The following AGT variants were observed in gnomAD, a reference collection of about 807,000 sequenced individuals.
The protein encoded by AGT is angiotensinogen.
In AGT, 26 loss-of-function variants were observed where a neutral mutation model predicts 28.1. The ratio of observed to expected loss-of-function variants is 0.92; its 90% CI spans 0.68 to 1.28. The LOEUF is 1.28. AGT is among the 50% of genes most tolerant of loss of function. The pLI is 0.00. For synonymous variants in AGT, 259 were observed against 259.6 expected (o/e 1.00, Z 0.02); for missense variants, 596 against 592.3 (o/e 1.01, Z -0.06).
chr1:230,730,021 C>T (rs767369909), intron 1 of AGT, among the ~76,000 whole-genome samples: 1 of 151,970 alleles, frequency 6.6e-6, no homozygotes, highest in African/African-American at 2.4e-5. Flanking sequence ...ATTAGCCAGG[C>T]GTGGTGGTGC....
intron 1 of AGT, among the ~76,000 whole-genome samples, chr1:230,731,657 G>A (rs1223306863): frequency 6.6e-6 from 1 of 152,144 alleles, no homozygotes; most frequent in Non-Finnish European, 1.5e-5. Flanking sequence ...CTTGAGGTTA[G>A]GAGCTCAAGA....
In AGT at chr1:230,710,454, C is replaced by T. The variant is rs559327874; in HGVS notation, c.370G>A (p.Val124Ile). ...CCAAAGACAGCCGTTGGGGAGAGGACGGTGGCCCCATGGACCACGCCCCAT... is the reference window on the plus strand; with the variant it reads ...CCAAAGACAGCCGTTGGGGAGAGGATGGTGGCCCCATGGACCACGCCCCAT... ...ELWGVVHGAT[V>I]LSPTAVFGTL... is the part of the protein sequence containing the mutation. Residue 124 changes from valine to isoleucine, a missense_variant, in exon 2 of 5, where the codon GTC becomes ATC. Physicochemically the swap from Val to Ile is conservative, Grantham distance 29. Coordinates refer to ENST00000366667, the MANE Select transcript of AGT (RefSeq NM_001384479.1). 7.5e-5 allele frequency: 121 copies of T among 1,614,220 alleles called. 2 individuals carry two copies. In the South Asian group the frequency reaches 9.9e-4, roughly 13 times the overall value.
At position 230,706,034 on chromosome 1, in the gene AGT, G is replaced by A. The variant is rs11568041; in HGVS notation, c.996C>T (p.Cys332=). ...CATAGTGAGGCTGGATCAGCAGCAG[G>A]CAGGCGCTCTCAGTGAAGGGCACTT... ...VTQVPFTESA[C]LLLIQPHYAS... is the part of the protein sequence containing the mutation. The change falls in exon 3 of 5, where the codon TGC becomes TGT. Residue 332 remains cysteine, a synonymous_variant. Coordinates refer to ENST00000366667, the MANE Select transcript of AGT (RefSeq NM_001384479.1). 7.0e-4 allele frequency: 1,132 copies of A among 1,614,144 alleles called. 8 individuals carry two copies. In the African/African-American group the frequency reaches 0.014, roughly 20 times the overall value.
intron 1 of AGT, among the ~76,000 whole-genome samples, chr1:230,721,013 C>T (rs950424042): frequency 6.6e-6 from 1 of 152,250 alleles, no homozygotes; most frequent in African/African-American, 2.4e-5. Flanking sequence ...GGTGAGGCAC[C>T]TCCAGGGACA....
Position 230,713,186 on chromosome 1 carries a change from C to T in AGT, c.-31+900G>A, listed in dbSNP as rs556231200. ...CACTTATTCTGTCCAGCGTCTTTGTCTGTTTGCTCTGATGTGAATGTGAGC... is the reference window on the plus strand; with the variant it reads ...CACTTATTCTGTCCAGCGTCTTTGTTTGTTTGCTCTGATGTGAATGTGAGC... On this transcript the variant is annotated intron_variant, in intron 1 of 4. Coordinates refer to ENST00000366667, the MANE Select transcript of AGT (RefSeq NM_001384479.1). Among the ~76,000 whole-genome samples, 5 of 152,002 alleles carry T rather than the reference C, an allele frequency of 3.3e-5. No individual in the cohort carries two copies. In the South Asian group the frequency reaches 1.0e-3, roughly 31 times the overall value.
In AGT at chr1:230,710,141, C is replaced by G; in HGVS notation, c.683G>C (p.Arg228Pro). 1 of 1,614,162 alleles carries G rather than the reference C, an allele frequency of 6.2e-7. No individual in the cohort carries two copies. Among genetic ancestry groups the G allele is most frequent in the South Asian group, 1.1e-5 (1 of 91,090 alleles). The change falls in exon 2 of 5, where the codon CGC (arginine) becomes CCC (proline). Residue 228 changes from arginine to proline, a missense_variant. Physicochemically the swap from Arg to Pro is moderately radical, Grantham distance 103 (BLOSUM62 -2). Coordinates refer to ENST00000366667, the MANE Select transcript of AGT (RefSeq NM_001384479.1). ...ATCCAGTTCTGTGAAGTCCAGAGAG[C>G]GTGGGAGGACCACAGGGGTATAGAG... ...LALYTPVVLP[R>P]SLDFTELDVA...
chr1:230,728,682 A>G (rs1312927267), intron 1 of AGT, among the ~76,000 whole-genome samples: 1 of 152,156 alleles, frequency 6.6e-6, no homozygotes, highest in African/African-American at 2.4e-5. Flanking sequence ...CTACGGCCTC[A>G]TTTTCATGCT....
chr1:230,726,857 T>C (rs900557554), intron 1 of AGT, among the ~76,000 whole-genome samples: 1 of 152,188 alleles, frequency 6.6e-6, no homozygotes, highest in African/African-American at 2.4e-5. Flanking sequence ...AGATGCTATG[T>C]CTCCCCAACC....
chr1:230,734,068 G>A lies in AGT; in HGVS notation c.-31+11447C>T, dbSNP rs543992741. On this transcript the variant is annotated intron_variant, in intron 1 of 4. Coordinates refer to the AGT transcript ENST00000681269. The stretch of plus-strand genomic sequence containing the variant: ...TTATAGATGACCCTTTAACAAGTGC[G>A]GGTCCCTGGCACATACTGGAGTTTG... Among the ~76,000 whole-genome samples the A allele has an allele frequency of 4.6e-5, 7 of 152,128 alleles. No homozygotes were observed. In the East Asian group the frequency reaches 5.8e-4, roughly 13 times the overall value.
At chr1:230,727,389 G>T (rs1353193243) in intron 1 of AGT, among the ~76,000 whole-genome samples, 1 of 152,124 alleles carries the variant, frequency 6.6e-6, no homozygotes, top group Non-Finnish European at 1.5e-5. Flanking sequence ...ATATCCAACT[G>T]CCCTCACTGC....
At chr1:230,743,561 G>A (rs932075284) in intron 1 of AGT, among the ~76,000 whole-genome samples, 5 of 152,038 alleles carry the variant, frequency 3.3e-5, no homozygotes, top group Admixed American at 3.3e-4. Flanking sequence ...CACCCTCCTC[G>A]CCAGCCCACC....
intron 1 of AGT, among the ~76,000 whole-genome samples, chr1:230,736,119 T>G (rs1021032975): frequency 6.6e-6 from 1 of 152,154 alleles, no homozygotes; most frequent in Non-Finnish European, 1.5e-5. Flanking sequence ...CTAAAATTAT[T>G]TTCTGCTTCC....
At chr1:230,714,740 T>C (rs998152503), upstream of AGT, among the ~76,000 whole-genome samples, 1 of 152,210 alleles carries the variant, frequency 6.6e-6, no homozygotes, top group Non-Finnish European at 1.5e-5. Context: ...CACAGCCAGA[T>C]TGAAAGACAC....
At chr1:230,736,384 T>C (rs1459364630) in intron 1 of AGT, among the ~76,000 whole-genome samples, 2 of 152,046 alleles carry the variant, frequency 1.3e-5, no homozygotes, top group African/African-American at 4.8e-5. Context: ...CCGGGCATGG[T>C]GGCGGGCACC....
intron 1 of AGT, among the ~76,000 whole-genome samples, chr1:230,744,028 G>C (rs1664296512): frequency 6.6e-6 from 1 of 152,224 alleles, no homozygotes; most frequent in Non-Finnish European, 1.5e-5. Context: ...TTAACATGAT[G>C]CATGGCCCCC....
At chr1:230,723,194 C>G (rs1330431774) in intron 1 of AGT, among the ~76,000 whole-genome samples, 1 of 152,130 alleles carries the variant, frequency 6.6e-6, no homozygotes, top group Non-Finnish European at 1.5e-5. Context: ...AAGATGGTGC[C>G]TCCTTCCCCT....
At chr1:230,728,203 A>G (rs951087808) in intron 1 of AGT, among the ~76,000 whole-genome samples, 4 of 152,310 alleles carry the variant, frequency 2.6e-5, no homozygotes, top group East Asian at 1.9e-4. Flanking sequence ...GAAAAGGCCA[A>G]TTTTAGGGTC....
At chr1:230,718,594 T>TA (rs56906111), upstream of AGT, among the ~76,000 whole-genome samples, 20,994 of 148,010 alleles carry the variant, frequency 0.14, 1,572 homozygotes, top group South Asian at 0.22. Flanking sequence ...ATATTCACTT[T>TA]AAAAAAAAAA....
upstream of AGT, among the ~76,000 whole-genome samples, chr1:230,716,723 C>T (rs1663745165): frequency 6.6e-6 from 1 of 152,170 alleles, no homozygotes. Flanking sequence ...GTGAGGCCTC[C>T]CCAGCCACGT....
Sources: allele counts gnomAD v4.1 joint callset (sites outside exome capture counted in the v4.1 genomes callset), GRCh38; gene constraint gnomAD v4.1.1; transcripts MANE v1.5; gene names NCBI Gene and HGNC (gene_info 2026-07-23, HGNC 2026-07-21).